Variants in DYNC1H1 observed in about 807,000 individuals in gnomAD.
DYNC1H1 encodes the protein dynein cytoplasmic 1 heavy chain 1, also known as cytoplasmic dynein 1 heavy chain 1.
Under a neutral mutation model 527.1 loss-of-function variants are expected in DYNC1H1, and 51 were observed. The observed-to-expected ratio is 0.10, with a 90% CI of 0.08 to 0.12. The LOEUF is 0.12. Among genes scored for constraint, DYNC1H1 ranks in the 10% least tolerant of loss-of-function variants. The pLI is 1.00. For missense variants in DYNC1H1, 2,771 were observed against 5,971.8 expected (o/e 0.46, Z 17.66); for synonymous variants, 2,189 against 2,278.8 (o/e 0.96, Z 1.12).
In DYNC1H1 at chr14:102,005,352, A is replaced by G; in HGVS notation, c.5433+116A>G. ...CAGGTAGTATCAAGGAGAACAGTGGATGGTGTATGGATATCCTCTGAGGGT... is the reference window on the plus strand; with the variant it reads ...CAGGTAGTATCAAGGAGAACAGTGGGTGGTGTATGGATATCCTCTGAGGGT... On this transcript the variant is annotated intron_variant, in intron 26 of 77. Coordinates refer to ENST00000360184, the MANE Select transcript of DYNC1H1 (RefSeq NM_001376.5). The surrounding 1 kb of genome is among the most constrained non-coding windows in gnomAD (Gnocchi z 4.0). The G allele has an allele frequency of 2.2e-6, 3 of 1,361,034 alleles. No homozygotes were observed. Among genetic ancestry groups the G allele is most frequent in the Non-Finnish European group, 3.1e-6 (3 of 962,532 alleles). 84.3% of individuals were successfully genotyped at this position (1,361,034 alleles called of 1,614,324 possible).
Position 101,986,310 on chromosome 14 carries a change from G to T in DYNC1H1, c.2085G>T (p.Thr695=), listed in dbSNP as rs755760078. 6.2e-6 allele frequency: 10 copies of T among 1,613,952 alleles called. No homozygotes were observed. In the South Asian group the frequency reaches 1.1e-4, roughly 18 times the overall value. Residue 695 remains threonine (T), a synonymous_variant, in exon 8 of 78, where the codon ACG becomes ACT. Coordinates refer to ENST00000360184, the MANE Select transcript of DYNC1H1 (RefSeq NM_001376.5). The surrounding 1 kb of genome is among the most constrained non-coding windows in gnomAD (Gnocchi z 8.7). ...ACAGCTTCCGCATGAAGCTCAACAC[G>T]CAGGAGATCTTTGATGACTGGGCAA... ...DGDSFRMKLN[T]QEIFDDWARK...
At chr14:102,040,119 A>G in intron 62 of DYNC1H1, 117 bp from the exon 63 acceptor site, 2 of 1,402,410 alleles carry the variant, frequency 1.4e-6, no homozygotes, top group South Asian at 1.2e-5. Flanking sequence ...TGCTGAGATT[A>G]TAGGCCTGAG....
Position 102,043,940 on chromosome 14 carries a change from C to T in DYNC1H1, c.12579C>T (p.Arg4193=). 1 of 1,614,248 alleles carries T rather than the reference C, an allele frequency of 6.2e-7. No individual in the cohort carries two copies. Among genetic ancestry groups the T allele is most frequent in the East Asian group, 2.2e-5 (1 of 44,882 alleles). The change falls in exon 70 of 78, where the codon CGC becomes CGT. Residue 4193 remains arginine (R), a synonymous_variant. Transcript: ENST00000360184. ...GGTTTCATGCGATCATCCAAGAACG[C>T]TTACGATACGCACCACTGGGGTGGT... ...LAWFHAIIQE[R]LRYAPLGWSK...
rs141469535 is a variant in DYNC1H1, at chr14:102,040,296, T to C, written c.11751T>C (p.Ser3917=). The change falls in exon 63 of 78, where the codon AGT becomes AGC. Residue 3917 remains serine, a synonymous_variant. Transcript: ENST00000360184. ...HFLRGNEIVL[S]AGSTPRIQGL... is the part of the protein sequence containing the mutation. The stretch of plus-strand genomic sequence containing the variant: ...TGAGAGGAAATGAGATTGTCCTGAG[T>C]GCTGGCTCCACCCCCAGGATCCAGG... 1 of 1,614,174 alleles carries C rather than the reference T, an allele frequency of 6.2e-7. No individual in the cohort carries two copies.
intron 29 of DYNC1H1, chr14:102,009,629 G>A (rs1223737575): frequency 3.2e-5 from 20 of 628,504 alleles, no homozygotes; most frequent in South Asian, 9.7e-5. Flanking sequence ...CCTGGGACAC[G>A]TGCACATGAG....
rs2141276701 is a variant in DYNC1H1, at chr14:101,988,817, G to A, written c.2833G>A (p.Val945Ile). ...TGACATGGACACAGATGCTCCACAA[G>A]TTAGTCACAAGCCTGGTGGAGAGCC... ...EVDMDTDAPQ[V>I]SHKPGGEPKI... Residue 945 changes from valine (V) to isoleucine (I), a missense_variant, in exon 10 of 78, where the codon GTT becomes ATT. By Grantham distance (29) the Val-to-Ile change is conservative. This residue lies in a region of DYNC1H1 where 179 missense variants were observed against 349.4 expected (regional missense o/e 0.51). Transcript: ENST00000360184. 1 of 1,614,230 alleles carries A rather than the reference G, an allele frequency of 6.2e-7. No homozygotes were observed. Among genetic ancestry groups the A allele is most frequent in the Non-Finnish European group, 8.5e-7 (1 of 1,180,050 alleles).
At position 101,985,200 on chromosome 14, in the gene DYNC1H1, C is replaced by T. The variant is rs1394367599; in HGVS notation, c.1462-487C>T. Among the ~76,000 whole-genome samples, 2 of 152,140 alleles carry T rather than the reference C, an allele frequency of 1.3e-5. No individual in the cohort carries two copies. Among genetic ancestry groups the T allele is most frequent in the Admixed American group, 6.5e-5 (1 of 15,282 alleles). On this transcript the variant is annotated intron_variant, in intron 7 of 77. Transcript: ENST00000360184. The surrounding 1 kb of genome is among the most constrained non-coding windows in gnomAD (Gnocchi z 5.9). ...CTGTGACTGGAATGCTTTATTTAGT[C>T]TCTTTTTCAGAGAGTCCTTCTCTGT...
Position 102,050,191 on chromosome 14 carries a change from C to CCA in DYNC1H1, c.13806_13807dup (p.Ser4603ThrfsTer4). The CCA allele has an allele frequency of 6.2e-7, 1 of 1,614,074 alleles. No homozygotes were observed. Among genetic ancestry groups the CCA allele is most frequent in the Non-Finnish European group, 8.5e-7 (1 of 1,180,026 alleles). The stretch of plus-strand genomic sequence containing the variant: ...AAGCAGACAAACACCGAGAAGAAGG[C>CCA]CAGTGTGGTAAGGAGGCACTGCCTT... On this transcript the variant is annotated frameshift_variant, in exon 77 of 78. Coordinates refer to ENST00000360184, the MANE Select transcript of DYNC1H1 (RefSeq NM_001376.5). LOFTEE classifies it high-confidence loss of function.
chr14:102,007,576 C>A (rs562559227), intron 28 of DYNC1H1, among the ~76,000 whole-genome samples: 2 of 152,260 alleles, frequency 1.3e-5, no homozygotes, highest in Non-Finnish European at 2.9e-5. Flanking sequence ...GAGCCCCTCA[C>A]CTGAGGCGTG....
Position 101,994,293 on chromosome 14 carries a change from G to A in DYNC1H1, c.3125G>A (p.Gly1042Asp), listed in dbSNP as rs2048032260. The change falls in exon 12 of 78, where the codon GGC becomes GAC. Residue 1042 changes from glycine to aspartate, a missense_variant. Physicochemically the swap from Gly to Asp is moderately conservative, Grantham distance 94. This residue lies in a region of DYNC1H1 where 179 missense variants were observed against 349.4 expected (regional missense o/e 0.51). Transcript: ENST00000360184. ...ALEESYSAVM[G>D]IVSEVEQYVK... ...GAAGAGTCGTATTCTGCTGTCATGG[G>A]CATTGTATCTGAAGTTGAACAGTAT... 1 of 1,614,098 alleles carries A rather than the reference G, an allele frequency of 6.2e-7. No individual in the cohort carries two copies. The highest frequency in any genetic ancestry group is 8.5e-7 in the Non-Finnish European group (1 of 1,180,026).
chr14:101,994,321 C>A lies in DYNC1H1; in HGVS notation c.3153C>A (p.Val1051=). The change falls in exon 12 of 78, where the codon GTC becomes GTA. Residue 1051 remains valine, a synonymous_variant. Transcript: ENST00000360184. The stretch of plus-strand genomic sequence containing the variant: ...TTGTATCTGAAGTTGAACAGTATGT[C>A]AAGGTAAGAAACTCCTAATTTCATT... ...MGIVSEVEQY[V]KVWLQYQCLW... The A allele has an allele frequency of 6.2e-7, 1 of 1,614,092 alleles. No individual in the cohort carries two copies. Among genetic ancestry groups the A allele is most frequent in the South Asian group, 1.1e-5 (1 of 91,058 alleles).
In DYNC1H1 at chr14:102,028,100, A is replaced by G; in HGVS notation, c.9427A>G (p.Ile3143Val). The change falls in exon 48 of 78, where the codon ATT becomes GTT. Residue 3143 changes from isoleucine (I) to valine (V), a missense_variant. By Grantham distance (29) the Ile-to-Val change is conservative. Transcript: ENST00000360184. The part of the protein sequence containing the change: ...LPQPPSHREA[I>V]VNSCVFVHQT... Reference sequence around the variant, plus strand: ...GCAGCCACCATCCCATCGGGAAGCCATTGTGAACAGCTGTGTGTTTGTTCA... The same window carrying G: ...GCAGCCACCATCCCATCGGGAAGCCGTTGTGAACAGCTGTGTGTTTGTTCA... 1 of 1,614,166 alleles carries G rather than the reference A, an allele frequency of 6.2e-7. No homozygotes were observed. Among genetic ancestry groups the G allele is most frequent in the Non-Finnish European group, 8.5e-7 (1 of 1,180,012 alleles).
chr14:102,025,188 C>T (rs1269749488), intron 43 of DYNC1H1, among the ~76,000 whole-genome samples: 3 of 151,598 alleles, frequency 2.0e-5, no homozygotes, highest in African/African-American at 7.3e-5. Context: ...AGGTGGATCA[C>T]GAGGTCAGGA....
Position 101,997,610 on chromosome 14 carries a change from T to C in DYNC1H1, c.3804+336T>C, listed in dbSNP as rs1342225788. Among the ~76,000 whole-genome samples the C allele has an allele frequency of 2.0e-5, 3 of 152,204 alleles. No homozygotes were observed. Among genetic ancestry groups the C allele is most frequent in the African/African-American group, 7.2e-5 (3 of 41,462 alleles). On this transcript the variant is annotated intron_variant, in intron 16 of 77. Coordinates refer to ENST00000360184, the MANE Select transcript of DYNC1H1 (RefSeq NM_001376.5). The surrounding 1 kb of genome is among the most constrained non-coding windows in gnomAD (Gnocchi z 4.8). ...TTTCCACTGCTGCTGCTAGTTAATTTAATTTTGGTTGGATGGTCTCTGTTT... is the reference window on the plus strand; with the variant it reads ...TTTCCACTGCTGCTGCTAGTTAATTCAATTTTGGTTGGATGGTCTCTGTTT...
At chr14:102,043,283 C>CAAAAA (rs10673572) in intron 69 of DYNC1H1, 2 of 118,316 alleles carry the variant, frequency 1.7e-5, no homozygotes, top group African/African-American at 3.2e-5. Flanking sequence ...GACCCCGTCT[C>CAAAAA]AAAAAAAAAA....
chr14:102,006,888 C>T, intron 27 of DYNC1H1, 120 bp from the exon 28 acceptor site: 1 of 1,082,506 alleles, frequency 9.2e-7, no homozygotes, highest in Non-Finnish European at 1.4e-6. Context: ...GCATGAGCCA[C>T]CCTACCTGGC....
chr14:102,016,071 G>T lies in DYNC1H1; in HGVS notation c.7458G>T (p.Leu2486=), dbSNP rs17541165. Residue 2486 remains leucine, a synonymous_variant, in exon 36 of 78, where the codon CTG becomes CTT. Transcript: ENST00000360184. The surrounding 1 kb of genome is among the most constrained non-coding windows in gnomAD (Gnocchi z 7.3). ...ACTTCCCCATGCAGATCGAGCAGCT[G>T]GAGCGCTACATTCAGGTCAGGGGGC... ...HPDFPMQIEQ[L]ERYIQRYLVY... is the part of the protein sequence containing the mutation. 1.9e-3 allele frequency: 3,088 copies of T among 1,610,246 alleles called. 13 individuals carry two copies. The highest frequency in any genetic ancestry group is 8.4e-3 in the South Asian group (762 of 90,452).
chr14:102,042,632 T>C lies in DYNC1H1; in HGVS notation c.12400-3T>C, dbSNP rs201269737. The C allele has an allele frequency of 6.2e-7, 1 of 1,614,120 alleles. No individual in the cohort carries two copies. Among genetic ancestry groups the C allele is most frequent in the Non-Finnish European group, 8.5e-7 (1 of 1,180,014 alleles). On this transcript the variant is annotated splice_region_variant and splice_polypyrimidine_tract_variant and intron_variant, in intron 68 of 77. Transcript: ENST00000360184. The surrounding 1 kb of genome is among the most constrained non-coding windows in gnomAD (Gnocchi z 5.7). Reference sequence around the variant, plus strand: ...GCATAACTGGAACGGCGCTCTCCCTTAGGTGCCTGTGAATCTGCTCCGTGC... The same window carrying C: ...GCATAACTGGAACGGCGCTCTCCCTCAGGTGCCTGTGAATCTGCTCCGTGC...
In DYNC1H1 at chr14:102,042,991, G is replaced by T; in HGVS notation, c.12513+243G>T. ...CACTTGAGCCCAGGAGTTCAAGACT[G>T]TCTGGGCAGGCCAGGAGTGGTGGCT... On this transcript the variant is annotated intron_variant, in intron 69 of 77. Coordinates refer to ENST00000360184, the MANE Select transcript of DYNC1H1 (RefSeq NM_001376.5). The surrounding 1 kb of genome is among the most constrained non-coding windows in gnomAD (Gnocchi z 5.7). 1 of 543,498 alleles carries T rather than the reference G, an allele frequency of 1.8e-6. No homozygotes were observed. 33.7% of individuals were successfully genotyped at this position (543,498 alleles called of 1,614,324 possible). A position where few individuals can be genotyped will look rare whatever the true frequency, so the allele number is the denominator to read the frequency against.
Sources: allele counts gnomAD v4.1 joint callset (sites outside exome capture counted in the v4.1 genomes callset), GRCh38; gene constraint gnomAD v4.1.1; regional missense constraint gnomAD v4.1.1; non-coding constraint Gnocchi (gnomAD v3.1); transcripts MANE v1.5; gene names NCBI Gene and HGNC (gene_info 2026-07-23, HGNC 2026-07-21).